The following CCT8 variants were observed in gnomAD, a reference collection of about 807,000 sequenced individuals.
CCT8 encodes the protein T-complex protein 1 subunit theta.
A neutral mutation model predicts 65.7 loss-of-function variants in CCT8; 10 were observed. The ratio of observed to expected loss-of-function variants is 0.15; its 90% CI spans 0.09 to 0.26. The LOEUF (loss-of-function observed/expected upper bound fraction) is 0.26. Among genes scored for constraint, CCT8 ranks in the 10% least tolerant of loss-of-function variants. The pLI is 1.00. For synonymous variants in CCT8, 199 were observed against 221.8 expected (o/e 0.90, Z 0.92); for missense variants, 568 against 669.1 (o/e 0.85, Z 1.67).
chr21:29,067,471 TATA>T (rs936866382), intron 4 of CCT8, 82 bp downstream of exon 4: 6 of 1,104,246 alleles, frequency 5.4e-6, no homozygotes, highest in African/African-American at 3.3e-5. Flanking sequence ...TAGCTACTAC[TATA>T]ATAATGATTT....
At chr21:29,057,875 C>T (rs1007714899) in intron 14 of CCT8, among the ~76,000 whole-genome samples, 1 of 151,140 alleles carries the variant, frequency 6.6e-6, no homozygotes, top group Non-Finnish European at 1.5e-5. Context: ...CTCAGCCAAC[C>T]ATGACAGCAC....
intron 13 of CCT8, among the ~76,000 whole-genome samples, chr21:29,060,992 T>C (rs554618899): frequency 1.2e-4 from 18 of 152,330 alleles, no homozygotes; most frequent in South Asian, 2.1e-4. Flanking sequence ...CTTTAGTTTT[T>C]CCAAATATTT....
intron 6 of CCT8, among the ~76,000 whole-genome samples, chr21:29,065,674 T>C (rs2085613637): frequency 6.6e-6 from 1 of 152,238 alleles, no homozygotes; most frequent in South Asian, 2.1e-4. Flanking sequence ...AATATTTCAA[T>C]ACTAACATTA....
intron 3 of CCT8, among the ~76,000 whole-genome samples, chr21:29,068,840 A>G (rs1021231271): frequency 3.3e-5 from 5 of 152,228 alleles, no homozygotes; most frequent in Non-Finnish European, 7.3e-5. Flanking sequence ...ATTAAGTTCT[A>G]GTGCTTTCAA....
intron 6 of CCT8, among the ~76,000 whole-genome samples, chr21:29,065,355 G>C (rs940202188): frequency 6.6e-6 from 1 of 152,192 alleles, no homozygotes; most frequent in African/African-American, 2.4e-5. Context: ...ACCAAAGGCA[G>C]AGAACTGGTC....
chr21:29,066,832 T>A (rs1210289449), intron 5 of CCT8, 55 bp from the exon 6 acceptor site: 1 of 1,576,184 alleles, frequency 6.3e-7, no homozygotes, highest in Admixed American at 1.8e-5. Flanking sequence ...AGAGAAAGTA[T>A]CTAGTCATGT....
rs750400684 is a variant in CCT8 at position 29,064,931 on chromosome 21, C to A, written c.762+37G>T. On this transcript the variant is annotated intron_variant, in intron 7 of 14. Transcript: ENST00000286788. ...TAACTCAAACAATCTGAAAGTGCAA[C>A]CCCAATTATTACTTTTAAGGTTTGA... 4 of 1,595,462 alleles carry A rather than the reference C, an allele frequency of 2.5e-6. No individual in the cohort carries two copies. In the Admixed American group the frequency reaches 6.8e-5, roughly 27 times the overall value.
Position 29,061,349 on chromosome 21 carries a change from T to C in CCT8, c.1353A>G (p.Ala451=), listed in dbSNP as rs372530141. The change falls in exon 13 of 15, where the codon GCA becomes GCG. Residue 451 remains alanine (A), a synonymous_variant. Coordinates refer to ENST00000286788, the MANE Select transcript of CCT8 (RefSeq NM_006585.4). ...FAEAFEAIPR[A]LAENSGVKAN... ...CCTTAACTCCAGAGTTTTCTGCCAG[T>C]GCGCGGGGAATAGCTTCAAATGCCT... 6.2e-7 allele frequency: 1 copy of C among 1,614,030 alleles called. No individual in the cohort carries two copies. The highest frequency in any genetic ancestry group is 1.3e-5 in the African/African-American group (1 of 75,038).
In CCT8 at chr21:29,062,346, C is replaced by A. The variant is rs774158410; in HGVS notation, c.1078G>T (p.Val360Leu). ...TACATACCATGCTTAAAAACCACCA[C>A]CTGAGTATCTCCAACTTCTGAGAGG... ...VYLSEVGDTQ[V>L]VVFKHEKEDG... The change falls in exon 10 of 15, where the codon GTG becomes TTG. Residue 360 changes from valine (V) to leucine (L), a missense_variant. By Grantham distance (32) the Val-to-Leu change is conservative (BLOSUM62 1). Coordinates refer to ENST00000286788, the MANE Select transcript of CCT8 (RefSeq NM_006585.4). 2.5e-6 allele frequency: 4 copies of A among 1,613,774 alleles called. No individual in the cohort carries two copies. In the Admixed American group the frequency reaches 6.7e-5, roughly 27 times the overall value.
At chr21:29,057,139 A>G (rs2085506628) in intron 14 of CCT8, among the ~76,000 whole-genome samples, 1 of 148,748 alleles carries the variant, frequency 6.7e-6, no homozygotes, top group Admixed American at 6.7e-5. Flanking sequence ...ACCTCACCTT[A>G]CTTTATCTAA....
intron 7 of CCT8, among the ~76,000 whole-genome samples, chr21:29,064,409 T>TAAAAAAAAA (rs34760776): frequency 4.1e-4 from 11 of 26,718 alleles, no homozygotes; most frequent in East Asian, 1.4e-3. Flanking sequence ...AGCAAGACTC[T>TAAAAAAAAA]AAAAAAAAAA....
chr21:29,069,448 G>A lies in CCT8; in HGVS notation c.206C>T (p.Ala69Val), dbSNP rs764671163. 1.3e-6 allele frequency: 2 copies of A among 1,580,562 alleles called. No homozygotes were observed. The highest frequency in any genetic ancestry group is 1.8e-5 in the Admixed American group (1 of 54,606). The change falls in exon 3 of 15, where the codon GCA becomes GTA. Residue 69 changes from alanine to valine, a missense_variant. By Grantham distance (64) the Ala-to-Val change is moderately conservative (BLOSUM62 0). Transcript: ENST00000286788. ...TTCTAGTTCTCTTAAAATAGTTGCTGCATCGTTTGTCACAAACAACTTCTC... is the reference window on the plus strand; with the variant it reads ...TTCTAGTTCTCTTAAAATAGTTGCTACATCGTTTGTCACAAACAACTTCTC... ...HLEKLFVTND[A>V]ATILRELEVQ...
At chr21:29,073,490 A>G (rs2085707350) in intron 1 of CCT8, 41 bp downstream of exon 1, 1 of 1,613,668 alleles carries the variant, frequency 6.2e-7, no homozygotes, top group Non-Finnish European at 8.5e-7. Context: ...CCGCAGCCCT[A>G]TGCTGACGCT....
At chr21:29,059,654 A>C (rs757165139) in intron 14 of CCT8, 8 of 152,226 alleles carry the variant, frequency 5.3e-5, no homozygotes, top group Non-Finnish European at 1.0e-4. Context: ...ATCACCTAAT[A>C]AGCTGACAGA....
chr21:29,067,041 T>C lies in CCT8; in HGVS notation c.412A>G (p.Lys138Glu). 1 of 1,612,280 alleles carries C rather than the reference T, an allele frequency of 6.2e-7. No homozygotes were observed. Among genetic ancestry groups the C allele is most frequent in the African/African-American group, 1.3e-5 (1 of 74,958 alleles). Residue 138 changes from lysine to glutamate, a missense_variant, in exon 5 of 15, where the codon AAA becomes GAA. Physicochemically the swap from Lys to Glu is moderately conservative, Grantham distance 56. Coordinates refer to ENST00000286788, the MANE Select transcript of CCT8 (RefSeq NM_006585.4). Reference sequence around the variant, plus strand: ...AAATTAGGAAGAATCTCATGAGCTTTTCTGCAGGCTATTTCATAACCTTCT... The same window carrying C: ...AAATTAGGAAGAATCTCATGAGCTTCTCTGCAGGCTATTTCATAACCTTCT... The part of the protein sequence containing the change: ...VIEGYEIACR[K>E]AHEILPNLVC...
rs139875242 is a variant in CCT8, at chr21:29,062,373, A to G, written c.1051T>C (p.Tyr351His). Residue 351 changes from tyrosine to histidine, a missense_variant, in exon 10 of 15, where the codon TAC becomes CAC. Coordinates refer to ENST00000286788, the MANE Select transcript of CCT8 (RefSeq NM_006585.4). ...TGAGTATCTCCAACTTCTGAGAGGT[A>G]AACACTGTCACAGTGTCCCATTTCT... ...LEEMGHCDSVYLSEVGDTQVV... is the reference protein window; with the variant it reads ...LEEMGHCDSVHLSEVGDTQVV... The G allele has an allele frequency of 2.5e-4, 408 of 1,613,892 alleles. 3 individuals carry two copies. Among genetic ancestry groups the G allele is most frequent in the Non-Finnish European group, 3.1e-5 (37 of 1,179,878 alleles).
Position 29,062,214 on chromosome 21 carries a change from C to G in CCT8, c.1126G>C (p.Val376Leu). The G allele has an allele frequency of 6.2e-7, 1 of 1,613,836 alleles. No homozygotes were observed. Among genetic ancestry groups the G allele is most frequent in the Non-Finnish European group, 8.5e-7 (1 of 1,179,830 alleles). ...EKEDGAISTI[V>L]LRGSTDNLMD... is the part of the protein sequence containing the mutation. Reference sequence around the variant, plus strand: ...AGATTGTCTGTAGAGCCTCGAAGTACTATGGTAGAAATGGCGCCATCTTCC... The same window carrying G: ...AGATTGTCTGTAGAGCCTCGAAGTAGTATGGTAGAAATGGCGCCATCTTCC... Residue 376 changes from valine (V) to leucine (L), a missense_variant, in exon 11 of 15, where the codon GTA becomes CTA. Coordinates refer to ENST00000286788, the MANE Select transcript of CCT8 (RefSeq NM_006585.4).
chr21:29,062,646 C>T, intron 8 of CCT8, 90 bp from the exon 9 acceptor site: 3 of 925,214 alleles, frequency 3.2e-6, no homozygotes, highest in Non-Finnish European at 5.0e-6. Flanking sequence ...GTATACCAGC[C>T]CCCATGTCAC....
intron 14 of CCT8, among the ~76,000 whole-genome samples, chr21:29,057,461 G>A (rs758838864): frequency 6.6e-6 from 1 of 151,512 alleles, no homozygotes; most frequent in Non-Finnish European, 1.5e-5. Context: ...CACTGCGCTC[G>A]GCTGGAAAAC....
Sources: allele counts gnomAD v4.1 joint callset (sites outside exome capture counted in the v4.1 genomes callset), GRCh38; gene constraint gnomAD v4.1.1; transcripts MANE v1.5; gene names NCBI Gene and HGNC (gene_info 2026-07-23, HGNC 2026-07-21).